The following DNM3 variants were observed in gnomAD, a reference collection of about 807,000 sequenced individuals.
DNM3 encodes dynamin-3.
A neutral mutation model predicts 101.6 loss-of-function variants in DNM3; 47 were observed. The observed-to-expected ratio is 0.46, with a 90% CI of 0.37 to 0.59. The LOEUF (loss-of-function observed/expected upper bound fraction) is 0.59. Ranked by LOEUF, DNM3 falls within the 20% of genes least tolerant of loss-of-function variation. DNM3 has a pLI of 0.00. For missense variants in DNM3, 849 were observed against 1,085.7 expected (o/e 0.78, Z 3.06); for synonymous variants, 385 against 387.9 (o/e 0.99, Z 0.09).
intron 17 of DNM3, chr1:172,339,179 T>G: frequency 5.5e-6 from 2 of 366,550 alleles, no homozygotes; most frequent in South Asian, 4.5e-5. Context: ...GGGATTATTT[T>G]ACAGTCTACC....
At position 172,186,272 on chromosome 1, in the gene DNM3, T is replaced by C. The variant is rs779223387; in HGVS notation, c.1659+54984T>C. 5.1e-4 allele frequency among the ~76,000 whole-genome samples: 77 copies of C among 152,044 alleles called. 1 individual carries two copies. The highest frequency in any genetic ancestry group is 1.2e-4 in the Non-Finnish European group (8 of 68,008). ...GCTTAAAAGTTAATTTAAACGTCGG[T>C]TACAAATTCCAAGAAATGTGGAGAT... On this transcript the variant is annotated intron_variant, in intron 14 of 20. Coordinates refer to ENST00000627582, the MANE Select transcript of DNM3 (RefSeq NM_015569.5).
At chr1:172,142,469 C>T (rs1026383687) in intron 14 of DNM3, among the ~76,000 whole-genome samples, 18 of 151,958 alleles carry the variant, frequency 1.2e-4, no homozygotes, top group African/African-American at 2.7e-4. Context: ...GAAAATAAGT[C>T]GCTAGAGCCA....
At chr1:172,360,062 T>A (rs549351572) in intron 17 of DNM3, among the ~76,000 whole-genome samples, 70 of 152,170 alleles carry the variant, frequency 4.6e-4, no homozygotes, top group African/African-American at 1.4e-3. Context: ...TTGATTTTTT[T>A]AAAAAAATTA....
At chr1:172,318,029 C>T (rs1471976277) in intron 16 of DNM3, among the ~76,000 whole-genome samples, 1 of 152,156 alleles carries the variant, frequency 6.6e-6, no homozygotes, top group African/African-American at 2.4e-5. Context: ...CATCAAAAAG[C>T]TTATCCACCA....
intron 15 of DNM3, among the ~76,000 whole-genome samples, chr1:172,261,363 T>G (rs1162671135): frequency 6.6e-6 from 1 of 152,110 alleles, no homozygotes. Context: ...GTGTAGTCTC[T>G]GTATGACTTC....
At chr1:171,949,604 C>A (rs371835354) in intron 2 of DNM3, among the ~76,000 whole-genome samples, 3 of 149,310 alleles carry the variant, frequency 2.0e-5, no homozygotes, top group African/African-American at 7.4e-5. Context: ...TTTGTAGAGA[C>A]AAGGTCTTGC....
chr1:172,252,834 T>C (rs2148684426), intron 14 of DNM3, among the ~76,000 whole-genome samples: 1 of 152,276 alleles, frequency 6.6e-6, no homozygotes, highest in East Asian at 1.9e-4. Flanking sequence ...AGACCTTACC[T>C]CTTCAATGTT....
At chr1:172,159,746 C>T (rs1470505091) in intron 14 of DNM3, among the ~76,000 whole-genome samples, 2 of 151,958 alleles carry the variant, frequency 1.3e-5, no homozygotes, top group South Asian at 2.1e-4. Flanking sequence ...AAAGGCTACA[C>T]GAAATTATTA....
chr1:171,971,080 TTCTA>T (rs2043958711), intron 2 of DNM3, among the ~76,000 whole-genome samples: 1 of 152,090 alleles, frequency 6.6e-6, no homozygotes, highest in African/African-American at 2.4e-5. Context: ...GAGGAATGCA[TTCTA>T]TCTCTTACAC....
At chr1:172,359,992 G>C (rs1314493396) in intron 17 of DNM3, among the ~76,000 whole-genome samples, 1 of 151,800 alleles carries the variant, frequency 6.6e-6, no homozygotes, top group Non-Finnish European at 1.5e-5. Context: ...TATGACCTTG[G>C]AGGAAAAAAA....
At position 171,895,479 on chromosome 1, in the gene DNM3, G is replaced by T. The variant is rs1045028317; in HGVS notation, c.162-26269G>T. 7.9e-5 allele frequency among the ~76,000 whole-genome samples: 12 copies of T among 152,020 alleles called. No homozygotes were observed. The South Asian group carries it at 8.3e-4, about 11-fold the overall frequency. On this transcript the variant is annotated intron_variant, in intron 1 of 20. Transcript: ENST00000627582. ...CATATCCTTTGCCCACTTTTTGATG[G>T]GATTTTTTGATTTTTTTCTTGTAAA... is the stretch of plus-strand genomic sequence containing the variant.
chr1:172,007,152 T>A (rs925248930), intron 4 of DNM3, among the ~76,000 whole-genome samples: 10 of 152,100 alleles, frequency 6.6e-5, no homozygotes, highest in Non-Finnish European at 1.2e-4. Flanking sequence ...TTCATATGTT[T>A]CATTTCACTT....
chr1:172,037,910 C>T (rs1036270026), intron 6 of DNM3, among the ~76,000 whole-genome samples: 5 of 152,290 alleles, frequency 3.3e-5, no homozygotes, highest in Admixed American at 1.3e-4. Flanking sequence ...CTGAGAACAC[C>T]GGGTAGCAGC....
chr1:172,391,022 T>A lies in DNM3; in HGVS notation c.2522+2213T>A, dbSNP rs549183672. Among the ~76,000 whole-genome samples, 325 of 152,240 alleles carry A rather than the reference T, an allele frequency of 2.1e-3. 1 individual carries two copies. Among genetic ancestry groups the A allele is most frequent in the African/African-American group, 7.2e-3 (299 of 41,528 alleles). On this transcript the variant is annotated intron_variant, in intron 20 of 20. Coordinates refer to ENST00000627582, the MANE Select transcript of DNM3 (RefSeq NM_015569.5). ...CTTGTTAAGCAGGGTGGAGTTGCCGTTAGTATTTTCCAGCTCGCACGAACA... is the reference window on the plus strand; with the variant it reads ...CTTGTTAAGCAGGGTGGAGTTGCCGATAGTATTTTCCAGCTCGCACGAACA...
intron 1 of DNM3, among the ~76,000 whole-genome samples, chr1:171,909,634 T>C (rs2039131286): frequency 6.6e-6 from 1 of 152,154 alleles, no homozygotes; most frequent in Non-Finnish European, 1.5e-5. Context: ...ACCTCTTCTC[T>C]CTTGACTATC....
intron 1 of DNM3, among the ~76,000 whole-genome samples, chr1:171,885,271 G>A (rs1248910701): frequency 6.6e-6 from 1 of 152,028 alleles, no homozygotes. Context: ...TACCTCCTAA[G>A]CAAAACATCA....
rs145583333 is a variant in DNM3, at chr1:172,170,097, G to T, written c.1659+38809G>T. On this transcript the variant is annotated intron_variant, in intron 14 of 20. Coordinates refer to ENST00000627582, the MANE Select transcript of DNM3 (RefSeq NM_015569.5). ...AGCTTCTAGATCAATGTTTTCAGCA[G>T]GGAAGGATTAGGCAGTAGAAGAATA... Among the ~76,000 whole-genome samples the T allele has an allele frequency of 3.7e-3, 565 of 152,022 alleles. 9 individuals carry two copies. Among genetic ancestry groups the T allele is most frequent in the African/African-American group, 0.013 (539 of 41,518 alleles).
intron 13 of DNM3, among the ~76,000 whole-genome samples, chr1:172,094,059 C>G (rs1436945496): frequency 6.6e-6 from 1 of 152,022 alleles, no homozygotes; most frequent in Non-Finnish European, 1.5e-5. Context: ...CATCTCTGTC[C>G]TTTTATGCTA....
intron 4 of DNM3, among the ~76,000 whole-genome samples, chr1:171,992,945 T>C (rs1238724221): frequency 6.6e-6 from 1 of 152,046 alleles, no homozygotes; most frequent in Non-Finnish European, 1.5e-5. Context: ...CTAGTTTGGA[T>C]CAATACCAAC....
Sources: gnomAD v4.1 joint callset for allele counts (sites outside exome capture counted in the v4.1 genomes callset) on GRCh38, gnomAD v4.1.1 for gene constraint, MANE v1.5 for transcripts, NCBI Gene and HGNC (gene_info 2026-07-23, HGNC 2026-07-21) for gene names.